The following MTOR variants were observed in gnomAD, a reference collection of about 807,000 sequenced individuals.
The protein encoded by MTOR is mechanistic target of rapamycin kinase, also known as serine/threonine-protein kinase mTOR.
Under a neutral mutation model 319.8 loss-of-function variants are expected in MTOR, and 70 were observed. That is an observed-to-expected ratio of 0.22 (90% CI 0.18 to 0.27). The LOEUF (loss-of-function observed/expected upper bound fraction) is 0.27, where lower values mean the gene tolerates loss of function less well. Among genes scored for constraint, MTOR ranks in the 10% least tolerant of loss-of-function variants. The pLI is 1.00. For synonymous variants in MTOR, 1,183 were observed against 1,211.4 expected (o/e 0.98, Z 0.49); for missense variants, 1,890 against 3,274.4 (o/e 0.58, Z 10.32).
chr1:11,259,463 G>A (rs141467061), intron 1 of MTOR, 40 bp from the exon 2 acceptor site: 1 of 1,498,326 alleles, frequency 6.7e-7, no homozygotes. Flanking sequence ...GGATAAGAAA[G>A]TATGATGATA....
Position 11,126,668 on chromosome 1 carries a change from C to T in MTOR, c.6480G>A (p.Leu2160=), listed in dbSNP as rs771957264. The T allele has an allele frequency of 5.0e-6, 8 of 1,613,774 alleles. No individual in the cohort carries two copies. The highest frequency in any genetic ancestry group is 5.1e-6 in the Non-Finnish European group (6 of 1,180,014). The part of the protein sequence containing the change: ...IIRIQSIAPS[L]QVITSKQRPR... The stretch of plus-strand genomic sequence containing the variant: ...GCCTCTGCTTGGATGTGATGACTTG[C>T]AAAGACGGTGCTATGGACTGAATGC... Residue 2160 remains leucine (L), a synonymous_variant, in exon 46 of 58, where the codon TTG becomes TTA. Transcript: ENST00000361445.
rs1361061858 is a variant in MTOR, at chr1:11,106,832, C to CGA, written c.*651_*652dup. The CGA allele has an allele frequency of 7.6e-7, 1 of 1,308,116 alleles. No individual in the cohort carries two copies. Among genetic ancestry groups the CGA allele is most frequent in the Non-Finnish European group, 9.9e-7 (1 of 1,007,488 alleles). 81.0% of individuals were successfully genotyped at this position (1,308,116 alleles called of 1,614,324 possible). A position where few individuals can be genotyped will look rare whatever the true frequency, so the allele number is the denominator to read the frequency against. On this transcript the variant is annotated 3_prime_UTR_variant, in exon 58 of 58. Coordinates refer to ENST00000361445, the MANE Select transcript of MTOR (RefSeq NM_004958.4). The stretch of plus-strand genomic sequence containing the variant: ...GATCCCCTCTGTGCATCTGCTCAGC[C>CGA]GAGGCTGCCAGCGATCTGAATAAAC...
intron 28 of MTOR, among the ~76,000 whole-genome samples, chr1:11,174,842 G>A (rs1186192467): frequency 6.6e-6 from 1 of 152,164 alleles, no homozygotes; most frequent in Non-Finnish European, 1.5e-5. Context: ...CTTATAAAGG[G>A]CAAACTGTTC....
rs552080144 is a variant in MTOR, at chr1:11,207,289, G to A, written c.3801+2023C>T. On this transcript the variant is annotated intron_variant, in intron 25 of 57. Transcript: ENST00000361445. ...GCTAATTTTTGTATTTTTTGTAGAG[G>A]GGGAATTTTGCCATGTTGCCCCAGC... Among the ~76,000 whole-genome samples, 7 of 151,820 alleles carry A rather than the reference G, an allele frequency of 4.6e-5. No homozygotes were observed. In the East Asian group the frequency reaches 1.4e-3, roughly 30 times the overall value.
At chr1:11,261,499 T>C (rs1010532666) in intron 1 of MTOR, among the ~76,000 whole-genome samples, 1 of 151,780 alleles carries the variant, frequency 6.6e-6, no homozygotes, top group Non-Finnish European at 1.5e-5. Flanking sequence ...ACCAATTAGT[T>C]CCTGAGCTCA....
chr1:11,256,877 C>T (rs1650469530), intron 4 of MTOR, 56 bp downstream of exon 4: 8 of 1,530,894 alleles, frequency 5.2e-6, no homozygotes, highest in Admixed American at 1.8e-5. Flanking sequence ...CAAAAGACCC[C>T]CCCATGACAC....
intron 19 of MTOR, among the ~76,000 whole-genome samples, chr1:11,217,621 C>T (rs927050088): frequency 6.6e-6 from 1 of 150,746 alleles, no homozygotes; most frequent in African/African-American, 2.4e-5. Flanking sequence ...CCGTGTTAGC[C>T]AGGATGGTCT....
rs2100287545 is a variant in MTOR at position 11,109,374 on chromosome 1, G to A, written c.7448-4C>T. ...GGTTTCACCAAACCGTCTCCAACTG[G>A]AATACACAAAAGTAGAAATAACTGT... On this transcript the variant is annotated splice_polypyrimidine_tract_variant and splice_region_variant and intron_variant, in intron 55 of 57. Coordinates refer to ENST00000361445, the MANE Select transcript of MTOR (RefSeq NM_004958.4). This position sits in a 1 kb window ranked among gnomAD's most constrained non-coding sequence, Gnocchi z 4.0. 6.2e-7 allele frequency: 1 copy of A among 1,613,484 alleles called. No individual in the cohort carries two copies. The highest frequency in any genetic ancestry group is 1.1e-5 in the South Asian group (1 of 91,018).
chr1:11,183,155 T>C (rs1462083044), intron 28 of MTOR, among the ~76,000 whole-genome samples: 2 of 152,250 alleles, frequency 1.3e-5, no homozygotes, highest in African/African-American at 4.8e-5. Flanking sequence ...ATTTCAGCCC[T>C]TCTGGTTGGT....
intron 26 of MTOR, among the ~76,000 whole-genome samples, chr1:11,201,717 TCA>T (rs1645974638): frequency 6.6e-6 from 1 of 152,242 alleles, no homozygotes; most frequent in South Asian, 2.1e-4. Flanking sequence ...TTTATCCTAT[TCA>T]CATTTATTTT....
chr1:11,125,839 G>A (rs1298367280), intron 46 of MTOR, among the ~76,000 whole-genome samples: 3 of 151,382 alleles, frequency 2.0e-5, no homozygotes, highest in African/African-American at 7.3e-5. Flanking sequence ...GTCAGAGTTC[G>A]AGACCAGCCT....
intron 30 of MTOR, among the ~76,000 whole-genome samples, chr1:11,154,692 T>TA (rs1644263016): frequency 6.6e-6 from 1 of 151,918 alleles, no homozygotes; most frequent in Non-Finnish European, 1.5e-5. Context: ...AAAAATAATT[T>TA]AAAAAAATTA....
chr1:11,192,481 C>T lies in MTOR; in HGVS notation c.4253+6777G>A, dbSNP rs531086786. ...TTAAAGAAAGGAAAATTCGGCTGGG[C>T]GCAGTGGCTCACACCTGTAATCCCA... On this transcript the variant is annotated intron_variant, in intron 28 of 57. Transcript: ENST00000361445. The T allele has an allele frequency of 2.8e-4, 248 of 882,704 alleles. 4 individuals are homozygous for T. In the South Asian group the frequency reaches 3.1e-3, roughly 11 times the overall value. The allele number at this position is 882,704 out of a possible 1,614,324, so 54.7% of individuals were successfully genotyped here. A position where few individuals can be genotyped will look rare whatever the true frequency, so the allele number is the denominator to read the frequency against.
At chr1:11,245,264 T>C (rs530778591) in intron 8 of MTOR, among the ~76,000 whole-genome samples, 1 of 152,218 alleles carries the variant, frequency 6.6e-6, no homozygotes, top group Non-Finnish European at 1.5e-5. Context: ...TTCTTGTCTA[T>C]TTATTTCTTC....
At position 11,212,804 on chromosome 1, in the gene MTOR, T is replaced by C. The variant is rs1646353143; in HGVS notation, c.3390A>G (p.Pro1130=). The change falls in exon 22 of 58, where the codon CCA becomes CCG. Residue 1130 remains proline, a synonymous_variant. Transcript: ENST00000361445. The surrounding 1 kb of genome is among the most constrained non-coding windows in gnomAD (Gnocchi z 4.1). ...KLFDAPEAPL[P]SRKAALETVD... ...AAAGAGGAGGTGCTCACTTTCGAGA[T>C]GGCAGTGGAGCTTCAGGGGCATCAA... 1.2e-6 allele frequency: 2 copies of C among 1,613,290 alleles called. No individual in the cohort carries two copies. Among genetic ancestry groups the C allele is most frequent in the African/African-American group, 1.3e-5 (1 of 75,022 alleles).
At chr1:11,120,709 C>T (rs1642478628) in intron 49 of MTOR, among the ~76,000 whole-genome samples, 1 of 152,122 alleles carries the variant, frequency 6.6e-6, no homozygotes, top group Non-Finnish European at 1.5e-5. Context: ...CACAACCTCC[C>T]TTATATTTCA....
rs759625619 is a variant in MTOR at position 11,223,988 on chromosome 1, G to A, written c.3030+4680C>T. On this transcript the variant is annotated intron_variant, in intron 19 of 57. Transcript: ENST00000361445. ...CAAGAGGCAGAGGTTGCAGTGAGCC[G>A]AGATCACACCATTGCACTCCACCCT... Among the ~76,000 whole-genome samples, 74 of 150,554 alleles carry A rather than the reference G, an allele frequency of 4.9e-4. 1 individual carries two copies. Among genetic ancestry groups the A allele is most frequent in the South Asian group, 1.5e-3 (7 of 4,768 alleles).
chr1:11,144,408 A>T, intron 34 of MTOR: 1 of 457,438 alleles, frequency 2.2e-6, no homozygotes, highest in East Asian at 3.2e-5. Flanking sequence ...ACTAAAAAAC[A>T]TTTTTTTTAA....
chr1:11,260,696 A>T (rs573849215), intron 1 of MTOR, among the ~76,000 whole-genome samples: 2 of 145,828 alleles, frequency 1.4e-5, no homozygotes, highest in East Asian at 2.1e-4. Flanking sequence ...ATCAATATTT[A>T]AAAAATTGAT....
Sources: gnomAD v4.1 joint callset for allele counts (sites outside exome capture counted in the v4.1 genomes callset) on GRCh38, gnomAD v4.1.1 for gene constraint, Gnocchi (gnomAD v3.1) non-coding constraint, MANE v1.5 for transcripts, NCBI Gene and HGNC (gene_info 2026-07-23, HGNC 2026-07-21) for gene names.